The following EML5 variants were observed in gnomAD, a reference collection of about 807,000 sequenced individuals.
The protein encoded by EML5 is echinoderm microtubule-associated protein-like 5.
A neutral mutation model predicts 250.0 loss-of-function variants in EML5; 120 were observed. That is an observed-to-expected ratio of 0.48 (90% CI 0.41 to 0.56). The LOEUF (loss-of-function observed/expected upper bound fraction) is 0.56. Among genes scored for constraint, EML5 ranks in the 20% least tolerant of loss-of-function variants. EML5 has a pLI of 0.00. For missense variants in EML5, 2,006 were observed against 2,437.6 expected (o/e 0.82, Z 3.73); for synonymous variants, 771 against 806.5 (o/e 0.96, Z 0.75).
chr14:88,779,251 C>T (rs1211599602), intron 1 of EML5, among the ~76,000 whole-genome samples: 1 of 152,002 alleles, frequency 6.6e-6, no homozygotes, highest in Non-Finnish European at 1.5e-5. Flanking sequence ...CTTCTAATAT[C>T]TTTTTTCCTG....
intron 34 of EML5, 39 bp downstream of exon 34, chr14:88,627,607 C>T: frequency 6.4e-7 from 1 of 1,554,954 alleles, no homozygotes; most frequent in Non-Finnish European, 8.7e-7. Context: ...CCTTTGTATT[C>T]TTGTTTTTTT....
At chr14:88,770,811 G>A (rs2094384422) in intron 1 of EML5, among the ~76,000 whole-genome samples, 1 of 152,114 alleles carries the variant, frequency 6.6e-6, no homozygotes, top group South Asian at 2.1e-4. Context: ...AATCATCTGA[G>A]GGTATATTCC....
intron 37 of EML5, 93 bp downstream of exon 37, chr14:88,622,507 TTAAG>T: frequency 1.0e-6 from 1 of 954,222 alleles, no homozygotes; most frequent in Non-Finnish European, 1.5e-6. Flanking sequence ...TTATGCATTA[TTAAG>T]TATTGTTCAT....
rs754795781 is a variant in EML5, at chr14:88,618,638, T to C, written c.5538+12A>G. The C allele has an allele frequency of 6.2e-6, 10 of 1,610,366 alleles. No individual in the cohort carries two copies. Among genetic ancestry groups the C allele is most frequent in the South Asian group, 1.1e-5 (1 of 90,238 alleles). On this transcript the variant is annotated intron_variant, in intron 40 of 43. Coordinates refer to ENST00000554922, the MANE Select transcript of EML5 (RefSeq NM_183387.3). ...GAACTTGCCACCTGGGTATACAGTA[T>C]TGGTACTGTACCTGGAGATAACTGC...
chr14:88,749,966 G>A (rs1030481138), intron 2 of EML5, among the ~76,000 whole-genome samples: 7 of 152,176 alleles, frequency 4.6e-5, no homozygotes, highest in African/African-American at 1.7e-4. Context: ...GCCAAATCCT[G>A]TCTGTACCTA....
At chr14:88,668,640 G>C (rs1446141945) in intron 21 of EML5, among the ~76,000 whole-genome samples, 7 of 152,076 alleles carry the variant, frequency 4.6e-5, no homozygotes, top group African/African-American at 1.7e-4. Context: ...ACAAAAGAGG[G>C]AAGAGAAACA....
rs958385566 is a variant in EML5, at chr14:88,792,866, C to T, written c.-363G>A. 21 of 414,952 alleles carry T rather than the reference C, an allele frequency of 5.1e-5. No individual in the cohort carries two copies. The highest frequency in any genetic ancestry group is 6.5e-5 in the Non-Finnish European group (20 of 308,040). 25.7% of individuals were successfully genotyped at this position (414,952 alleles called of 1,614,324 possible). A position where few individuals can be genotyped will look rare whatever the true frequency, so the allele number is the denominator to read the frequency against. Reference sequence around the variant, plus strand: ...CGCCCGCGCACGCAGCTCCCAGCCCCGGTCACCTGCGGCGCTCGCGCCCCG... The same window carrying T: ...CGCCCGCGCACGCAGCTCCCAGCCCTGGTCACCTGCGGCGCTCGCGCCCCG... On this transcript the variant is annotated 5_prime_UTR_variant, in exon 1 of 44. Transcript: ENST00000554922. The surrounding 1 kb of genome is among the most constrained non-coding windows in gnomAD (Gnocchi z 6.9).
At chr14:88,705,704 A>T in intron 11 of EML5, 116 bp from the exon 12 acceptor site, 1 of 748,592 alleles carries the variant, frequency 1.3e-6, no homozygotes. Context: ...GCCATAAAAC[A>T]ATCAAATGAA....
chr14:88,784,951 T>C (rs1363212075), intron 1 of EML5, among the ~76,000 whole-genome samples: 1 of 152,174 alleles, frequency 6.6e-6, no homozygotes, highest in African/African-American at 2.4e-5. Flanking sequence ...TAAGAGTCTA[T>C]CAACAGATGA....
chr14:88,657,503 C>G lies in EML5; in HGVS notation c.3878-1G>C, dbSNP rs1484867401. 6.3e-7 allele frequency: 1 copy of G among 1,589,884 alleles called. No homozygotes were observed. Among genetic ancestry groups the G allele is most frequent in the Non-Finnish European group, 8.5e-7 (1 of 1,170,096 alleles). ...TCCCTTGTAACATCACTGTCATAGC[C>G]TACAATAAAAATATACGAGTAATTC... is the stretch of plus-strand genomic sequence containing the variant. On this transcript the variant is annotated splice_acceptor_variant, in intron 26 of 43. Coordinates refer to ENST00000554922, the MANE Select transcript of EML5 (RefSeq NM_183387.3). LOFTEE classifies it high-confidence loss of function.
Position 88,616,877 on chromosome 14 carries a change from A to G in EML5, c.5645T>C (p.Ile1882Thr). Residue 1882 changes from isoleucine (I) to threonine (T), a missense_variant and splice_region_variant, in exon 42 of 44, where the codon ATT becomes ACT. Around this residue, in one of 7 missense-constraint regions of EML5, gnomAD observed 405 missense variants for 523.3 expected, o/e 0.77. Coordinates refer to ENST00000554922, the MANE Select transcript of EML5 (RefSeq NM_183387.3). ...GATTCCCAAAACCTCATCTCCTAGA[A>G]TACTAGAGGGAAGGAACAAAAGAAA... ...DRITWATWTSILGDEVLGIWS... is the reference protein window; with the variant it reads ...DRITWATWTSTLGDEVLGIWS... The G allele has an allele frequency of 1.2e-6, 2 of 1,613,230 alleles. No homozygotes were observed. Among genetic ancestry groups the G allele is most frequent in the South Asian group, 2.2e-5 (2 of 90,944 alleles).
At chr14:88,659,137 G>A (rs927468231) in intron 25 of EML5, among the ~76,000 whole-genome samples, 1 of 152,048 alleles carries the variant, frequency 6.6e-6, no homozygotes, top group Non-Finnish European at 1.5e-5. Context: ...GCATCATAAA[G>A]CAGGTTTTCC....
At chr14:88,654,673 A>G (rs2091793853) in intron 27 of EML5, among the ~76,000 whole-genome samples, 1 of 152,104 alleles carries the variant, frequency 6.6e-6, no homozygotes, top group Non-Finnish European at 1.5e-5. Context: ...GTTCTTTTGC[A>G]TTTGCTGAGG....
Position 88,695,422 on chromosome 14 carries a change from C to T in EML5, c.2377G>A (p.Asp793Asn). The change falls in exon 16 of 44, where the codon GAT (aspartate) becomes AAT (asparagine). Residue 793 changes from aspartate to asparagine, a missense_variant. Transcript: ENST00000554922. ...CAGAGCACAACAGTATGGCTATCATCTATGCCAACTGATGCCAAACGTTTC... is the reference window on the plus strand; with the variant it reads ...CAGAGCACAACAGTATGGCTATCATTTATGCCAACTGATGCCAAACGTTTC... ...DGKRLASVGI[D>N]DSHTVVLWDW... is the part of the protein sequence containing the mutation. 6.2e-7 allele frequency: 1 copy of T among 1,612,576 alleles called. No homozygotes were observed. The highest frequency in any genetic ancestry group is 2.2e-5 in the East Asian group (1 of 44,796).
intron 17 of EML5, among the ~76,000 whole-genome samples, 172 bp from the exon 18 acceptor site, chr14:88,688,645 T>A (rs2092892253): frequency 6.6e-6 from 1 of 152,250 alleles, no homozygotes; most frequent in African/African-American, 2.4e-5. Flanking sequence ...ACACCTTGCA[T>A]AACTGCATTT....
Position 88,740,370 on chromosome 14 carries a change from T to C in EML5, c.711+17A>G. 1 of 1,589,968 alleles carries C rather than the reference T, an allele frequency of 6.3e-7. No individual in the cohort carries two copies. The highest frequency in any genetic ancestry group is 8.6e-7 in the Non-Finnish European group (1 of 1,167,486). ...GTAATACACATGAAAGTGTTTAAAATACTTAAATGTACTTACAGCATGGGC... is the reference window on the plus strand; with the variant it reads ...GTAATACACATGAAAGTGTTTAAAACACTTAAATGTACTTACAGCATGGGC... On this transcript the variant is annotated intron_variant, in intron 5 of 43. Coordinates refer to ENST00000554922, the MANE Select transcript of EML5 (RefSeq NM_183387.3).
intron 10 of EML5, among the ~76,000 whole-genome samples, chr14:88,710,886 T>C (rs1244563136): frequency 6.6e-6 from 1 of 152,228 alleles, no homozygotes; most frequent in Non-Finnish European, 1.5e-5. Context: ...ACACATTTTA[T>C]AAATGAAATA....
At chr14:88,642,796 A>G in intron 31 of EML5, 97 bp downstream of exon 31, 1 of 1,163,778 alleles carries the variant, frequency 8.6e-7, no homozygotes. Flanking sequence ...CTACATTTCA[A>G]TTACTATTTA....
intron 31 of EML5, among the ~76,000 whole-genome samples, chr14:88,642,593 TACAA>T (rs1470380911): frequency 6.6e-6 from 1 of 152,170 alleles, no homozygotes; most frequent in Non-Finnish European, 1.5e-5. Context: ...GAATTAAAGT[TACAA>T]ACGGTTTCAA....
Sources: allele counts gnomAD v4.1 joint callset (sites outside exome capture counted in the v4.1 genomes callset), GRCh38; gene constraint gnomAD v4.1.1; regional missense constraint gnomAD v4.1.1; non-coding constraint Gnocchi (gnomAD v3.1); transcripts MANE v1.5; gene names NCBI Gene and HGNC (gene_info 2026-07-23, HGNC 2026-07-21).